Variants in CHCHD3 observed in about 807,000 individuals in gnomAD.
The protein encoded by CHCHD3 is coiled-coil-helix-coiled-coil-helix domain containing 3.
In CHCHD3, 20 loss-of-function variants were observed where a neutral mutation model predicts 38.2. The ratio of observed to expected loss-of-function variants is 0.52; its 90% CI spans 0.37 to 0.76. The LOEUF is 0.76. Ranked by LOEUF, CHCHD3 falls within the 30% of genes least tolerant of loss-of-function variation. The probability of loss-of-function intolerance (pLI) is 0.00; values close to 1 mark genes in which losing one functional copy is unlikely to be tolerated. For synonymous variants in CHCHD3, 82 were observed against 100.0 expected, an observed-to-expected ratio of 0.82 and a Z score of 1.07; for missense variants, 245 against 279.2, an observed-to-expected ratio of 0.88 and a Z score of 0.87.
In CHCHD3 at chr7:132,985,556, G is replaced by C. The variant is rs545621735; in HGVS notation, c.252-10270C>G. On this transcript the variant is annotated intron_variant, in intron 3 of 7. Transcript: ENST00000262570. Reference sequence around the variant, plus strand: ...CGCCCCGTCCAGGAGGGAGGTGGGGGGGTCAGCCCCCCTCCCGGCCAGCCG... The same window carrying C: ...CGCCCCGTCCAGGAGGGAGGTGGGGCGGTCAGCCCCCCTCCCGGCCAGCCG... Among the ~76,000 whole-genome samples, 230 of 83,124 alleles carry C rather than the reference G, an allele frequency of 2.8e-3. 55 individuals carry two copies. The highest frequency in any genetic ancestry group is 0.015 in the Admixed American group (111 of 7,270). The allele number at this position is 83,124 out of a possible 152,430, so 54.5% of individuals were successfully genotyped here.
intron 4 of CHCHD3, among the ~76,000 whole-genome samples, chr7:132,909,039 G>C (rs1809869901): frequency 6.6e-6 from 1 of 152,084 alleles, no homozygotes; most frequent in Non-Finnish European, 1.5e-5. Flanking sequence ...GTTCTCATGA[G>C]ATCTGATGGT....
chr7:132,822,212 G>A (rs1158551735), intron 6 of CHCHD3, among the ~76,000 whole-genome samples: 1 of 152,104 alleles, frequency 6.6e-6, no homozygotes, highest in Admixed American at 6.5e-5. Context: ...TTCAAAAGAG[G>A]TATGGATTGA....
chr7:132,870,981 GT>G, intron 5 of CHCHD3, among the ~76,000 whole-genome samples: 1 of 151,946 alleles, frequency 6.6e-6, no homozygotes, highest in Non-Finnish European at 1.5e-5. Flanking sequence ...TATTATCCAG[GT>G]TGTTGTATCA....
At chr7:132,966,786 G>T (rs1811474946) in intron 4 of CHCHD3, among the ~76,000 whole-genome samples, 1 of 152,272 alleles carries the variant, frequency 6.6e-6, no homozygotes, top group East Asian at 1.9e-4. Context: ...ACATGTACTT[G>T]GGATTGTTAA....
chr7:132,792,297 C>G (rs1399975976), intron 7 of CHCHD3, among the ~76,000 whole-genome samples: 1 of 152,186 alleles, frequency 6.6e-6, no homozygotes, highest in Admixed American at 6.5e-5. Context: ...CCTTTATTAG[C>G]CGGCAGGGTA....
chr7:133,034,550 A>G, intron 2 of CHCHD3: 2 of 505,434 alleles, frequency 4.0e-6, no homozygotes. Flanking sequence ...GTTTCCTTTA[A>G]TGACCCCCAT....
At position 133,035,758 on chromosome 7, in the gene CHCHD3, C is replaced by T; in HGVS notation, c.170-11131G>A. Reference sequence around the variant, plus strand: ...CCCTCAAATGCTGGGACCTTGCCGGCAGGAAATTTGCGAAGAAATTCAGAG... The same window carrying T: ...CCCTCAAATGCTGGGACCTTGCCGGTAGGAAATTTGCGAAGAAATTCAGAG... On this transcript the variant is annotated intron_variant, in intron 2 of 7. Coordinates refer to ENST00000262570, the MANE Select transcript of CHCHD3 (RefSeq NM_017812.4). The surrounding 1 kb of genome is among the most constrained non-coding windows in gnomAD (Gnocchi z 4.7). 1 of 1,613,220 alleles carries T rather than the reference C, an allele frequency of 6.2e-7. No individual in the cohort carries two copies. Among genetic ancestry groups the T allele is most frequent in the South Asian group, 1.1e-5 (1 of 91,068 alleles).
chr7:133,025,393 T>A (rs1371395349), intron 2 of CHCHD3, among the ~76,000 whole-genome samples: 1 of 152,228 alleles, frequency 6.6e-6, no homozygotes, highest in Admixed American at 6.5e-5. Context: ...AAACAAAGAC[T>A]AACTCCTCTT....
intron 4 of CHCHD3, among the ~76,000 whole-genome samples, chr7:132,951,242 G>A (rs534386806): frequency 6.6e-6 from 1 of 152,194 alleles, no homozygotes; most frequent in East Asian, 1.9e-4. Context: ...TCAACTAGTG[G>A]GTCTCCAAAA....
At chr7:132,883,710 A>C (rs938837705) in intron 5 of CHCHD3, among the ~76,000 whole-genome samples, 3 of 152,152 alleles carry the variant, frequency 2.0e-5, no homozygotes, top group African/African-American at 7.2e-5. Flanking sequence ...CAGAAACCAA[A>C]TGTGGTGTGC....
chr7:133,045,059 C>T (rs544687395), intron 2 of CHCHD3, among the ~76,000 whole-genome samples: 13 of 152,264 alleles, frequency 8.5e-5, no homozygotes, highest in East Asian at 3.9e-4. Context: ...CAACAGCATC[C>T]GAGTTACTTA....
chr7:132,992,432 C>T (rs1261874131), intron 3 of CHCHD3, among the ~76,000 whole-genome samples: 1 of 152,144 alleles, frequency 6.6e-6, no homozygotes, highest in South Asian at 2.1e-4. Context: ...AGCCTCTCCT[C>T]CAAGCTTTAA....
At chr7:132,969,361 T>A (rs1259858235) in intron 4 of CHCHD3, among the ~76,000 whole-genome samples, 5 of 152,068 alleles carry the variant, frequency 3.3e-5, no homozygotes, top group Non-Finnish European at 7.4e-5. Context: ...AATAAATATA[T>A]GACGAAGGAC....
At chr7:132,976,117 C>T (rs2117334714) in intron 3 of CHCHD3, among the ~76,000 whole-genome samples, 1 of 152,236 alleles carries the variant, frequency 6.6e-6, no homozygotes, top group South Asian at 2.1e-4. Flanking sequence ...AGAAGCCAGA[C>T]ATTATGGAAC....
At chr7:132,852,868 G>T (rs1808252673) in intron 5 of CHCHD3, among the ~76,000 whole-genome samples, 1 of 152,166 alleles carries the variant, frequency 6.6e-6, no homozygotes, top group Non-Finnish European at 1.5e-5. Flanking sequence ...CAAATCTCTA[G>T]CAAGAAAAGA....
At chr7:133,042,992 C>T (rs1407317238) in intron 2 of CHCHD3, among the ~76,000 whole-genome samples, 3 of 151,950 alleles carry the variant, frequency 2.0e-5, no homozygotes, top group African/African-American at 7.3e-5. Flanking sequence ...TCAGCCCCAC[C>T]GAGCAGCTGG....
At chr7:132,962,331 C>T (rs1186496051) in intron 4 of CHCHD3, among the ~76,000 whole-genome samples, 4 of 152,076 alleles carry the variant, frequency 2.6e-5, no homozygotes, top group Admixed American at 1.3e-4. Flanking sequence ...TATAGAACTT[C>T]GAATTCTGTA....
intron 4 of CHCHD3, among the ~76,000 whole-genome samples, chr7:132,894,030 T>G (rs1444706791): frequency 2.0e-5 from 3 of 152,168 alleles, no homozygotes. Flanking sequence ...AATTAAAAAG[T>G]AAAGCCAACA....
intron 5 of CHCHD3, among the ~76,000 whole-genome samples, chr7:132,866,626 A>G (rs995991253): frequency 6.6e-6 from 1 of 152,188 alleles, no homozygotes; most frequent in African/African-American, 2.4e-5. Context: ...ATACTCACTG[A>G]CCAGATTCAT....
Sources: gnomAD v4.1 joint callset for allele counts (sites outside exome capture counted in the v4.1 genomes callset) on GRCh38, gnomAD v4.1.1 for gene constraint, Gnocchi (gnomAD v3.1) non-coding constraint, MANE v1.5 for transcripts, NCBI Gene and HGNC (gene_info 2026-07-23, HGNC 2026-07-21) for gene names.